Variants in EEFSEC observed in about 807,000 individuals in gnomAD.
EEFSEC encodes the protein selenocysteine-specific elongation factor.
In EEFSEC, 43 loss-of-function variants were observed where a neutral mutation model predicts 42.1. The ratio of observed to expected loss-of-function variants is 1.02; its 90% confidence interval spans 0.80 to 1.32. The LOEUF is 1.32. Among genes scored for constraint, EEFSEC ranks in the 40% most tolerant of loss-of-function variants. EEFSEC has a pLI of 0.00. For synonymous variants in EEFSEC, 354 were observed against 339.1 expected (o/e 1.04, Z -0.48); for missense variants, 745 against 803.6 (o/e 0.93, Z 0.88).
chr3:128,256,172 A>T (rs1166372730), intron 2 of EEFSEC, among the ~76,000 whole-genome samples: 1 of 152,164 alleles, frequency 6.6e-6, no homozygotes, highest in African/African-American at 2.4e-5. Context: ...AATGTCTCAA[A>T]TTGGTACTGT....
chr3:128,415,441 G>A, the EEFSEC span, among the ~76,000 whole-genome samples: 1 of 145,624 alleles, frequency 6.9e-6, no homozygotes, highest in Non-Finnish European at 1.5e-5. Flanking sequence ...TGTGTAATGG[G>A]TGTGGCATGA....
chr3:128,174,910 T>C (rs1371948678), intron 1 of EEFSEC, among the ~76,000 whole-genome samples: 1 of 152,178 alleles, frequency 6.6e-6, no homozygotes, highest in Non-Finnish European at 1.5e-5. Flanking sequence ...GCATTGCAAT[T>C]ATGCAAGAGC....
At chr3:128,247,858 G>T (rs2066143876) in intron 2 of EEFSEC, among the ~76,000 whole-genome samples, 2 of 152,206 alleles carry the variant, frequency 1.3e-5, no homozygotes, top group African/African-American at 4.8e-5. Flanking sequence ...GGGAGAGAAG[G>T]TGTTGCTCTG....
At chr3:128,185,981 G>A (rs1359527614) in intron 1 of EEFSEC, among the ~76,000 whole-genome samples, 3 of 152,094 alleles carry the variant, frequency 2.0e-5, no homozygotes, top group African/African-American at 7.2e-5. Flanking sequence ...TGGATCATAT[G>A]GTAACTCTAT....
intron 6 of EEFSEC, among the ~76,000 whole-genome samples, chr3:128,391,474 G>A (rs2067912219): frequency 6.6e-6 from 1 of 152,202 alleles, no homozygotes. Context: ...TCTGGGGAAG[G>A]CAGGGAGGAC....
At chr3:128,423,095 C>T in the EEFSEC span, among the ~76,000 whole-genome samples, 1 of 152,218 alleles carries the variant, frequency 6.6e-6, no homozygotes, top group Non-Finnish European at 1.5e-5. Context: ...TTAGGACCAC[C>T]TTCTCTGGGT....
At chr3:128,225,432 G>A (rs2065898835) in intron 1 of EEFSEC, among the ~76,000 whole-genome samples, 1 of 152,184 alleles carries the variant, frequency 6.6e-6, no homozygotes, top group Admixed American at 6.5e-5. Flanking sequence ...TACAGCCTTT[G>A]GGATCTTAGC....
intron 4 of EEFSEC, among the ~76,000 whole-genome samples, chr3:128,292,629 T>G (rs1015856947): frequency 6.6e-6 from 1 of 151,934 alleles, no homozygotes; most frequent in African/African-American, 2.4e-5. Flanking sequence ...CTTTTAATGT[T>G]TTTTGAATCT....
In EEFSEC at chr3:128,345,050, G is replaced by A. The variant is rs550249825; in HGVS notation, c.1443+3161G>A. ...CAGCCATCCGACAGACTGGTCCAAT[G>A]TGCAAGCCTGGGCTTTATTTACTCC... On this transcript the variant is annotated intron_variant, in intron 5 of 6. Transcript: ENST00000254730. Among the ~76,000 whole-genome samples, 6 of 152,264 alleles carry A rather than the reference G, an allele frequency of 3.9e-5. No homozygotes were observed. The South Asian group carries it at 1.2e-3, about 32-fold the overall frequency.
At chr3:128,411,153 G>A (rs78145537), downstream of EEFSEC, among the ~76,000 whole-genome samples, 4,950 of 152,306 alleles carry the variant, frequency 0.033, 110 homozygotes, top group African/African-American at 0.054. Flanking sequence ...GGGACGGTGG[G>A]CAGGAGCTGG....
chr3:128,186,744 C>G (rs1576528582), intron 1 of EEFSEC, among the ~76,000 whole-genome samples: 1 of 152,158 alleles, frequency 6.6e-6, no homozygotes, highest in African/African-American at 2.4e-5. Context: ...AAGTCTCTTT[C>G]TAGATTCTCA....
chr3:128,293,345 C>T (rs113261402), intron 4 of EEFSEC, among the ~76,000 whole-genome samples: 32 of 152,256 alleles, frequency 2.1e-4, no homozygotes, highest in African/African-American at 6.7e-4. Flanking sequence ...GACATCCTCT[C>T]CTTCTTTTGC....
chr3:128,299,088 A>G lies in EEFSEC; in HGVS notation c.786+34307A>G, dbSNP rs534903010. Among the ~76,000 whole-genome samples, 175 of 152,330 alleles carry G rather than the reference A, an allele frequency of 1.1e-3. 1 individual carries two copies. Among genetic ancestry groups the G allele is most frequent in the African/African-American group, 3.5e-3 (145 of 41,586 alleles). The stretch of plus-strand genomic sequence containing the variant: ...CCTTTCTTTTGGGTATATACCCAGC[A>G]GTGGGATTGCTGGGTCATATAGTAC... On this transcript the variant is annotated intron_variant, in intron 4 of 6. Coordinates refer to ENST00000254730, the MANE Select transcript of EEFSEC (RefSeq NM_021937.5).
Position 128,237,053 on chromosome 3 carries a change from C to T in EEFSEC, c.317-9783C>T, listed in dbSNP as rs146267695. Among the ~76,000 whole-genome samples the T allele has an allele frequency of 9.0e-3, 1,364 of 152,306 alleles. 11 individuals are homozygous for T. Among genetic ancestry groups the T allele is most frequent in the Non-Finnish European group, 0.017 (1,125 of 68,022 alleles). ...GAGGGAGTGTTCAGTAAACGTGCTGCGTGTGAACTAGCTGTTGATACCATT... is the reference window on the plus strand; with the variant it reads ...GAGGGAGTGTTCAGTAAACGTGCTGTGTGTGAACTAGCTGTTGATACCATT... On this transcript the variant is annotated intron_variant, in intron 1 of 6. Coordinates refer to ENST00000254730, the MANE Select transcript of EEFSEC (RefSeq NM_021937.5).
intron 1 of EEFSEC, among the ~76,000 whole-genome samples, chr3:128,232,566 T>TG (rs1172729559): frequency 2.0e-5 from 3 of 152,082 alleles, no homozygotes; most frequent in Non-Finnish European, 4.4e-5. Flanking sequence ...ATGGTTAAAA[T>TG]GGGGGGAAGG....
At chr3:128,298,610 T>C (rs547750442) in intron 4 of EEFSEC, among the ~76,000 whole-genome samples, 1 of 152,388 alleles carries the variant, frequency 6.6e-6, no homozygotes, top group African/African-American at 2.4e-5. Flanking sequence ...TTCTTCTAGC[T>C]ACTTTGAACT....
chr3:128,187,485 G>T (rs11928904), intron 1 of EEFSEC, among the ~76,000 whole-genome samples: 1,708 of 152,144 alleles, frequency 0.011, 23 homozygotes, highest in African/African-American at 0.039. Flanking sequence ...TTGGTTACTT[G>T]TAAGAAAAAA....
At chr3:128,276,712 A>G (rs2107957722) in intron 4 of EEFSEC, among the ~76,000 whole-genome samples, 2 of 152,322 alleles carry the variant, frequency 1.3e-5, no homozygotes, top group South Asian at 4.1e-4. Flanking sequence ...ACCTTCTACC[A>G]GTAGGGGTAT....
At chr3:128,178,092 T>G (rs2065369637) in intron 1 of EEFSEC, among the ~76,000 whole-genome samples, 1 of 152,190 alleles carries the variant, frequency 6.6e-6, no homozygotes, top group South Asian at 2.1e-4. Flanking sequence ...CCATAATAAA[T>G]GCAAGTTCAG....
Sources: allele counts gnomAD v4.1 joint callset (sites outside exome capture counted in the v4.1 genomes callset), GRCh38; gene constraint gnomAD v4.1.1; transcripts MANE v1.5; gene names NCBI Gene and HGNC (gene_info 2026-07-23, HGNC 2026-07-21).